FREM1: variants seen among roughly 807,000 people sequenced by gnomAD.
FREM1 encodes FRAS1-related extracellular matrix protein 1.
In FREM1, 220 loss-of-function variants were observed where a neutral mutation model predicts 210.1. The ratio of observed to expected loss-of-function variants is 1.05; its 90% CI spans 0.94 to 1.17. The LOEUF is 1.17. FREM1 is among the 50% of genes most tolerant of loss of function. The pLI, the probability that FREM1 is intolerant of heterozygous loss-of-function variation, is 0.00. For missense variants in FREM1, 3,454 were observed against 2,675.5 expected (o/e 1.29, Z -6.42); for synonymous variants, 1,189 against 980.2 (o/e 1.21, Z -3.98).
At chr9:14,747,756 A>G (rs1842724927) in intron 31 of FREM1, 28 bp from the exon 32 acceptor site, 2 of 1,452,726 alleles carry the variant, frequency 1.4e-6, no homozygotes, top group African/African-American at 2.8e-5. Flanking sequence ...CAAAATATGA[A>G]CAGAATTGGA....
intron 13 of FREM1, among the ~76,000 whole-genome samples, chr9:14,820,634 G>T (rs193102026): frequency 7.0e-4 from 107 of 152,338 alleles, no homozygotes; most frequent in Admixed American, 7.0e-3. Context: ...GGCATTCATG[G>T]TGCCACAAGG....
chr9:14,879,431 T>C (rs1350665344), intron 1 of FREM1, among the ~76,000 whole-genome samples: 1 of 152,004 alleles, frequency 6.6e-6, no homozygotes, highest in African/African-American at 2.4e-5. Flanking sequence ...AGAAGTGAGG[T>C]AAAAATCAAA....
chr9:14,786,776 C>T (rs577657669), intron 23 of FREM1, among the ~76,000 whole-genome samples: 6 of 152,288 alleles, frequency 3.9e-5, no homozygotes, highest in African/African-American at 1.2e-4. Flanking sequence ...TTCAGTCCTA[C>T]GTAGAATCAA....
intron 1 of FREM1, among the ~76,000 whole-genome samples, chr9:14,892,859 G>A (rs573948466): frequency 3.9e-5 from 6 of 151,928 alleles, no homozygotes; most frequent in Non-Finnish European, 5.9e-5. Context: ...TCCTTTTCCC[G>A]TCTTTACTAT....
chr9:14,842,060 C>T (rs1434319726), intron 9 of FREM1, among the ~76,000 whole-genome samples: 3 of 152,174 alleles, frequency 2.0e-5, no homozygotes, highest in Non-Finnish European at 4.4e-5. Flanking sequence ...CTTAATTTTT[C>T]ATAGTGTAAT....
chr9:14,756,265 A>G (rs1034585521), intron 29 of FREM1, 109 bp downstream of exon 29: 1 of 765,500 alleles, frequency 1.3e-6, no homozygotes, highest in African/African-American at 1.8e-5. Flanking sequence ...AGGAGTTTCT[A>G]GTTGGCTAAA....
In FREM1 at chr9:14,750,107, GATGAGGATCAAA is replaced by G. The variant is rs750881569; in HGVS notation, c.5557+8_5557+19del. The G allele has an allele frequency of 6.2e-7, 1 of 1,612,446 alleles. No homozygotes were observed. The highest frequency in any genetic ancestry group is 8.5e-7 in the Non-Finnish European group (1 of 1,179,400). On this transcript the variant is annotated splice_region_variant and intron_variant, in intron 30 of 36. Transcript: ENST00000380880. ...GCGCCAGGACCGCTCCTGATTTCAA[GATGAGGATCAAA>G]AGAATACCTCCTTTTGAGTCCAAAA...
At chr9:14,737,718 G>A in intron 36 of FREM1, 123 bp from the exon 37 acceptor site, 2 of 734,402 alleles carry the variant, frequency 2.7e-6, no homozygotes, top group Non-Finnish European at 2.0e-6. Context: ...TAAAACAAGG[G>A]ATAGGAACTT....
rs1321004697 is a variant in FREM1 at position 14,861,284 on chromosome 9, T to TACATATATACATATATAC, written c.330-1818_330-1801dup. Among the ~76,000 whole-genome samples the TACATATATACATATATAC allele has an allele frequency of 2.6e-4, 22 of 85,452 alleles. 1 individual carries two copies. The highest frequency in any genetic ancestry group is 3.5e-4 in the Non-Finnish European group (17 of 48,316). 56.1% of individuals were successfully genotyped at this position (85,452 alleles called of 152,430 possible). On this transcript the variant is annotated intron_variant, in intron 3 of 36. Coordinates refer to ENST00000380880, the MANE Select transcript of FREM1 (RefSeq NM_001379081.2). Reference sequence around the variant, plus strand: ...ACACATATACACATATATACATATATACATATATACATATATACACATATA... The same window carrying TACATATATACATATATAC: ...ACACATATACACATATATACATATATACATATATACATATATACACATATATACATATATACACATATA...
At chr9:14,853,392 A>T (rs1828116134) in intron 5 of FREM1, among the ~76,000 whole-genome samples, 1 of 152,210 alleles carries the variant, frequency 6.6e-6, no homozygotes, top group Non-Finnish European at 1.5e-5. Flanking sequence ...GATAGAATCA[A>T]ATCCTAGGAG....
In FREM1 at chr9:14,860,862, C is replaced by CATATATACGTATATAT. The variant is rs1554707685; in HGVS notation, c.330-1379_330-1378insATATATACGTATATAT. ...ATATATACATATATACGTATATATA[C>CATATATACGTATATAT]ACATATATATACGTATATATACACA... On this transcript the variant is annotated intron_variant, in intron 3 of 36. Transcript: ENST00000380880. Among the ~76,000 whole-genome samples, 38 of 50,154 alleles carry CATATATACGTATATAT rather than the reference C, an allele frequency of 7.6e-4. 5 individuals are homozygous for CATATATACGTATATAT. The highest frequency in any genetic ancestry group is 5.4e-3 in the African/African-American group (29 of 5,384). 32.9% of individuals were successfully genotyped at this position (50,154 alleles called of 152,430 possible). A position where few individuals can be genotyped will look rare whatever the true frequency, so the allele number is the denominator to read the frequency against.
intron 2 of FREM1, among the ~76,000 whole-genome samples, chr9:14,866,419 G>A (rs993092824): frequency 6.6e-6 from 1 of 152,196 alleles, no homozygotes. Context: ...CAGAGAGACT[G>A]CCATATACGG....
intron 27 of FREM1, among the ~76,000 whole-genome samples, chr9:14,766,575 A>G (rs1327789808): frequency 6.6e-6 from 1 of 152,156 alleles, no homozygotes; most frequent in Admixed American, 6.6e-5. Flanking sequence ...TGCTTTTTAG[A>G]GTGGAGCATC....
At chr9:14,872,930 G>A (rs1832956616) in intron 1 of FREM1, among the ~76,000 whole-genome samples, 2 of 150,462 alleles carry the variant, frequency 1.3e-5, no homozygotes, top group Middle Eastern at 3.4e-3. Flanking sequence ...AGATAATCAT[G>A]TGGTTTTTGT....
Position 14,808,064 on chromosome 9 carries a change from A to C in FREM1, c.2964T>G (p.Pro988=). The C allele has an allele frequency of 6.2e-7, 1 of 1,613,554 alleles. No individual in the cohort carries two copies. Among genetic ancestry groups the C allele is most frequent in the Non-Finnish European group, 8.5e-7 (1 of 1,179,658 alleles). The change falls in exon 17 of 37, where the codon CCT becomes CCG. Residue 988 remains proline, a synonymous_variant. Transcript: ENST00000380880. ...CATTGTAGCAACAGCCATTCACAAA[A>C]GGGCCAGCCTCTCCATCCGAAACCA... The part of the protein sequence containing the change: ...TLVVSDGEAG[P]FVNGCCYNGP...
intron 5 of FREM1, among the ~76,000 whole-genome samples, chr9:14,851,894 C>T (rs903313): frequency 0.074 from 11,338 of 152,202 alleles, 1,335 homozygotes; most frequent in African/African-American, 0.25. Flanking sequence ...GGAGCACCTA[C>T]TTTGGCATCA....
At chr9:14,853,896 A>C (rs1828230856) in intron 5 of FREM1, among the ~76,000 whole-genome samples, 2 of 152,198 alleles carry the variant, frequency 1.3e-5, no homozygotes, top group South Asian at 4.1e-4. Flanking sequence ...AGACCAATTG[A>C]GTCTAGAGTC....
Position 14,855,534 on chromosome 9 carries a change from T to C in FREM1, c.828+2019A>G, listed in dbSNP as rs572775537. 3.3e-5 allele frequency among the ~76,000 whole-genome samples: 5 copies of C among 152,262 alleles called. No individual in the cohort carries two copies. The South Asian group carries it at 8.3e-4, about 25-fold the overall frequency. On this transcript the variant is annotated intron_variant, in intron 5 of 36. Transcript: ENST00000380880. Reference sequence around the variant, plus strand: ...ACAAGATACAAAACTTCACATATAGTATAAATGCGATTCCATAAAACAAAA... The same window carrying C: ...ACAAGATACAAAACTTCACATATAGCATAAATGCGATTCCATAAAACAAAA...
intron 24 of FREM1, among the ~76,000 whole-genome samples, chr9:14,777,353 T>C (rs1416204498): frequency 6.6e-6 from 1 of 152,046 alleles, no homozygotes; most frequent in Non-Finnish European, 1.5e-5. Flanking sequence ...CATGAAATTA[T>C]GCAAACAAGG....
Sources: allele counts gnomAD v4.1 joint callset (sites outside exome capture counted in the v4.1 genomes callset), GRCh38; gene constraint gnomAD v4.1.1; transcripts MANE v1.5; gene names NCBI Gene and HGNC (gene_info 2026-07-23, HGNC 2026-07-21).